Variants in PIK3C2G observed in about 807,000 individuals in gnomAD.
PIK3C2G encodes phosphatidylinositol-4-phosphate 3-kinase catalytic subunit type 2 gamma.
In PIK3C2G, 168 loss-of-function variants were observed where a neutral mutation model predicts 181.1. The ratio of observed to expected loss-of-function variants is 0.93; its 90% CI spans 0.82 to 1.05. PIK3C2G has a LOEUF of 1.05. Ranked by LOEUF, PIK3C2G falls within the 50% of genes least tolerant of loss-of-function variation. The pLI, the probability that PIK3C2G is intolerant of heterozygous loss-of-function variation, is 0.00. For synonymous variants in PIK3C2G, 573 were observed against 592.2 expected, an observed-to-expected ratio of 0.97 and a Z score of 0.47; for missense variants, 1,869 against 1,732.8, an observed-to-expected ratio of 1.08 and a Z score of -1.40.
At chr12:18,560,274 A>G (rs560181362) in intron 26 of PIK3C2G, among the ~76,000 whole-genome samples, 3 of 152,264 alleles carry the variant, frequency 2.0e-5, no homozygotes, top group African/African-American at 4.8e-5. Context: ...GTTGAAAGTC[A>G]TATAGAATTA....
intron 15 of PIK3C2G, among the ~76,000 whole-genome samples, chr12:18,393,870 A>T (rs1267833884): frequency 6.6e-6 from 1 of 152,110 alleles, no homozygotes; most frequent in Non-Finnish European, 1.5e-5. Context: ...AGATATTTTT[A>T]AAAAGGCAGA....
At position 18,635,231 on chromosome 12, in the gene PIK3C2G, G is replaced by A. The variant is rs147980520; in HGVS notation, c.4183-5198G>A. The stretch of plus-strand genomic sequence containing the variant: ...CTTTCTCTTCCTCTGTCAACTGACC[G>A]CAGGGAACTCTTTATGAGGCCACGG... On this transcript the variant is annotated intron_variant, in intron 31 of 32. Transcript: ENST00000538779. Among the ~76,000 whole-genome samples, 564 of 152,308 alleles carry A rather than the reference G, an allele frequency of 3.7e-3. 1 individual carries two copies. The highest frequency in any genetic ancestry group is 0.013 in the African/African-American group (545 of 41,566).
At chr12:18,465,729 G>C (rs1182593037) in intron 18 of PIK3C2G, among the ~76,000 whole-genome samples, 2 of 151,704 alleles carry the variant, frequency 1.3e-5, no homozygotes, top group Non-Finnish European at 3.0e-5. Flanking sequence ...TTTGTGTCTA[G>C]ATGTGTTTGA....
chr12:18,714,755 T>C, the PIK3C2G span: 103 of 152,164 alleles, frequency 6.8e-4, no homozygotes, highest in African/African-American at 2.0e-3. Flanking sequence ...CAACTGGAGA[T>C]AGGGAGAGGT....
chr12:18,313,371 AC>A (rs1252501806), intron 5 of PIK3C2G, among the ~76,000 whole-genome samples: 1 of 152,188 alleles, frequency 6.6e-6, no homozygotes, highest in Non-Finnish European at 1.5e-5. Flanking sequence ...CTGCTTGCTA[AC>A]CCTTTGATGT....
At chr12:18,246,529 C>T (rs570880422), upstream of PIK3C2G, among the ~76,000 whole-genome samples, 40 of 151,674 alleles carry the variant, frequency 2.6e-4, no homozygotes, top group Middle Eastern at 0.014. Flanking sequence ...GTTAGATTCC[C>T]GGATTTATAA....
downstream of PIK3C2G, among the ~76,000 whole-genome samples, chr12:18,650,343 ATATATGTGTGTGTGTG>A (rs1950382920): frequency 7.6e-6 from 1 of 131,568 alleles, no homozygotes; most frequent in South Asian, 2.3e-4. Context: ...ATATATATAT[ATATATGTGTGTGTGTG>A]TGTGTGTGTG....
intron 18 of PIK3C2G, among the ~76,000 whole-genome samples, chr12:18,484,710 G>A (rs1296166710): frequency 1.3e-5 from 2 of 152,164 alleles, no homozygotes; most frequent in Non-Finnish European, 1.5e-5. Flanking sequence ...CCTCAGTTGA[G>A]GAAAATACTA....
intron 1 of PIK3C2G, among the ~76,000 whole-genome samples, chr12:18,268,938 C>T (rs1182806554): frequency 2.0e-5 from 3 of 150,826 alleles, no homozygotes; most frequent in African/African-American, 7.3e-5. Context: ...TTTTTTTAAA[C>T]GAGTCTCACT....
At chr12:18,292,527 G>A (rs913072875) in intron 4 of PIK3C2G, among the ~76,000 whole-genome samples, 6 of 151,828 alleles carry the variant, frequency 4.0e-5, no homozygotes, top group East Asian at 3.9e-4. Flanking sequence ...CTGATTATTC[G>A]GCCAAGATCA....
Position 18,282,287 on chromosome 12 carries a change from C to G in PIK3C2G, c.206C>G (p.Pro69Arg), listed in dbSNP as rs777830743. The G allele has an allele frequency of 6.2e-7, 1 of 1,612,858 alleles. No homozygotes were observed. Among genetic ancestry groups the G allele is most frequent in the Non-Finnish European group, 8.5e-7 (1 of 1,179,018 alleles). Residue 69 changes from proline (P) to arginine (R), a missense_variant, in exon 2 of 33, where the codon CCA (proline) becomes CGA (arginine). Physicochemically the swap from Pro to Arg is moderately radical, Grantham distance 103. Transcript: ENST00000538779. Reference sequence around the variant, plus strand: ...AACACCTTTTTTGTGCCCACTGCACCAAAATGGGACTCAACAGGGCATTCA... The same window carrying G: ...AACACCTTTTTTGTGCCCACTGCACGAAAATGGGACTCAACAGGGCATTCA... ...DENTFFVPTA[P>R]KWDSTGHSLN...
chr12:18,701,739 A>G, the PIK3C2G span: 8 of 1,610,304 alleles, frequency 5.0e-6, no homozygotes, highest in Non-Finnish European at 6.8e-6. Flanking sequence ...TAAGGTTCCT[A>G]TTTTCTTATT....
chr12:18,561,338 G>A (rs1945332219), intron 26 of PIK3C2G, among the ~76,000 whole-genome samples: 1 of 152,294 alleles, frequency 6.6e-6, no homozygotes, highest in Non-Finnish European at 1.5e-5. Flanking sequence ...GTTTAGACAG[G>A]CATACTGGCA....
chr12:18,340,462 G>A (rs1939027038), intron 9 of PIK3C2G, among the ~76,000 whole-genome samples: 3 of 152,130 alleles, frequency 2.0e-5, no homozygotes, highest in Admixed American at 1.3e-4. Flanking sequence ...CTATTTTGAT[G>A]AGCTTATAAA....
chr12:18,681,144 C>T, the PIK3C2G span, among the ~76,000 whole-genome samples: 1 of 151,986 alleles, frequency 6.6e-6, no homozygotes, highest in South Asian at 2.1e-4. Context: ...CAAGGAAACA[C>T]GACAGTTTAG....
intron 14 of PIK3C2G, among the ~76,000 whole-genome samples, chr12:18,390,126 AAC>A (rs1224607682): frequency 1.3e-5 from 2 of 152,208 alleles, no homozygotes; most frequent in Non-Finnish European, 2.9e-5. Flanking sequence ...GATATATTGT[AAC>A]ACAGATTATA....
rs978377052 is a variant in PIK3C2G, at chr12:18,496,134, A to C, written c.2866A>C (p.Asn956His). Residue 956 changes from asparagine to histidine, a missense_variant, in exon 21 of 33, where the codon AAC becomes CAC. Coordinates refer to ENST00000538779, the MANE Select transcript of PIK3C2G (RefSeq NM_001288772.2). ...CATCAATGCTAATCCGATGGGCAAA[A>C]ACATCAGCATTATTTTTAAGGTATG... The part of the protein sequence containing the change: ...TFINANPMGK[N>H]ISIIFKAGDD... 6 of 1,533,284 alleles carry C rather than the reference A, an allele frequency of 3.9e-6. No individual in the cohort carries two copies. Among genetic ancestry groups the C allele is most frequent in the Non-Finnish European group, 5.3e-6 (6 of 1,133,628 alleles). The allele number at this position is 1,533,284 out of a possible 1,614,324, so 95.0% of individuals were successfully genotyped here.
At chr12:18,719,772 TTTATG>T in the PIK3C2G span, 1 of 497,436 alleles carries the variant, frequency 2.0e-6, no homozygotes, top group East Asian at 3.5e-5. Context: ...TAATACTATA[TTTATG>T]TTGTTTGGAA....
the PIK3C2G span, among the ~76,000 whole-genome samples, chr12:18,669,428 C>G: frequency 5.9e-5 from 9 of 152,120 alleles, no homozygotes; most frequent in African/African-American, 2.2e-4. Context: ...TAATCTAATT[C>G]ATATTATCAG....
Sources: allele counts gnomAD v4.1 joint callset (sites outside exome capture counted in the v4.1 genomes callset), GRCh38; gene constraint gnomAD v4.1.1; transcripts MANE v1.5; gene names NCBI Gene and HGNC (gene_info 2026-07-23, HGNC 2026-07-21).